ZFHX3: variants seen among roughly 807,000 people sequenced by gnomAD.
ZFHX3 encodes the protein zinc finger homeobox 3, also known as zinc finger homeobox protein 3.
In ZFHX3, 42 loss-of-function variants were observed where a neutral mutation model predicts 279.1. That is an observed-to-expected ratio of 0.15 (90% CI 0.12 to 0.19). ZFHX3 has a LOEUF of 0.19. Ranked by LOEUF, ZFHX3 falls within the 10% of genes least tolerant of loss-of-function variation. The pLI is 1.00. For missense variants in ZFHX3, 4,981 were observed against 4,754.0 expected, an observed-to-expected ratio of 1.05 and a Z score of -1.40; for synonymous variants, 2,293 against 1,957.8, an observed-to-expected ratio of 1.17 and a Z score of -4.52.
Position 72,795,208 on chromosome 16 carries a change from A to C in ZFHX3, c.7474T>G (p.Cys2492Gly). ...CTGGGGCTCGACTGGGGTAAGGGGCACTGTGGAGGGGGCGCTTGTGGAGGA... is the reference window on the plus strand; with the variant it reads ...CTGGGGCTCGACTGGGGTAAGGGGCCCTGTGGAGGGGGCGCTTGTGGAGGA... ...QPPPQAPPPQCPLPQSSPSPS... is the reference protein window; with the variant it reads ...QPPPQAPPPQGPLPQSSPSPS... The change falls in exon 9 of 10, where the codon TGC (cysteine) becomes GGC (glycine). Residue 2492 changes from cysteine to glycine, a missense_variant. By Grantham distance (159) the Cys-to-Gly change is radical. This residue lies in a region of ZFHX3 where 744 missense variants were observed against 701.3 expected (regional missense o/e 1.06). Coordinates refer to ENST00000268489, the MANE Select transcript of ZFHX3 (RefSeq NM_006885.4). 4 of 1,606,824 alleles carry C rather than the reference A, an allele frequency of 2.5e-6. No homozygotes were observed. In the South Asian group the frequency reaches 4.5e-5, roughly 18 times the overall value.
At chr16:73,126,608 A>G (rs895054031) in intron 7 of ZFHX3, 3 of 152,248 alleles carry the variant, frequency 2.0e-5, no homozygotes, top group African/African-American at 7.2e-5. Flanking sequence ...GCACATGTTA[A>G]TAAGTTGTAC....
intron 2 of ZFHX3, among the ~76,000 whole-genome samples, chr16:73,652,870 C>G (rs1386420515): frequency 6.6e-6 from 1 of 152,138 alleles, no homozygotes. Context: ...GCAAATTTAA[C>G]ACTGATTGCA....
At chr16:73,768,272 C>T (rs1295056169) in intron 1 of ZFHX3, among the ~76,000 whole-genome samples, 1 of 152,154 alleles carries the variant, frequency 6.6e-6, no homozygotes, top group Admixed American at 6.5e-5. Flanking sequence ...AGGAGACCCA[C>T]TAACATGGCC....
intron 3 of ZFHX3, among the ~76,000 whole-genome samples, chr16:72,906,948 T>C (rs759946708): frequency 1.3e-5 from 2 of 152,120 alleles, no homozygotes; most frequent in Admixed American, 6.5e-5. Context: ...TCAGGACACA[T>C]CACGCATGCT....
In ZFHX3 at chr16:72,798,187, A is replaced by T. The variant is rs1227581483; in HGVS notation, c.4495T>A (p.Leu1499Met). 1 of 1,614,122 alleles carries T rather than the reference A, an allele frequency of 6.2e-7. No individual in the cohort carries two copies. The highest frequency in any genetic ancestry group is 1.3e-5 in the African/African-American group (1 of 75,016). ...VEEDKEEESDLEDKQSPTGSD... is the reference protein window; with the variant it reads ...VEEDKEEESDMEDKQSPTGSD... ...CCCGTTGGGCTCTGTTTATCTTCCA[A>T]GTCACTCTCTTCCTCCTTGTCTTCC... The change falls in exon 9 of 10, where the codon TTG (leucine) becomes ATG (methionine). Residue 1499 changes from leucine to methionine, a missense_variant. Physicochemically the swap from Leu to Met is conservative, Grantham distance 15. Around this residue, in one of 7 missense-constraint regions of ZFHX3, gnomAD observed 1,751 missense variants for 1,770.0 expected, o/e 0.99. Transcript: ENST00000268489.
intron 3 of ZFHX3, among the ~76,000 whole-genome samples, chr16:73,441,420 C>T (rs1167228776): frequency 1.3e-5 from 2 of 152,092 alleles, no homozygotes; most frequent in African/African-American, 4.8e-5. Flanking sequence ...AACCAGATGC[C>T]AAGAGATGTG....
chr16:72,822,199 G>T (rs2036810304), intron 5 of ZFHX3, among the ~76,000 whole-genome samples: 1 of 152,196 alleles, frequency 6.6e-6, no homozygotes, highest in African/African-American at 2.4e-5. Context: ...AGGTGCTGGG[G>T]ATTACAAAAA....
chr16:73,626,016 C>G (rs1204006634), intron 2 of ZFHX3, among the ~76,000 whole-genome samples: 1 of 152,104 alleles, frequency 6.6e-6, no homozygotes, highest in African/African-American at 2.4e-5. Context: ...CACCACCACG[C>G]CTGGCTAATT....
chr16:73,149,190 AC>A (rs936401832), intron 5 of ZFHX3, among the ~76,000 whole-genome samples: 4 of 135,660 alleles, frequency 2.9e-5, no homozygotes, highest in Non-Finnish European at 6.2e-5. Flanking sequence ...AATATATTTT[AC>A]TTTATATTAT....
chr16:73,734,382 T>A (rs2053592678), intron 1 of ZFHX3, among the ~76,000 whole-genome samples: 1 of 152,240 alleles, frequency 6.6e-6, no homozygotes, highest in African/African-American at 2.4e-5. Context: ...TATGATTTTG[T>A]AGCATCTTAA....
At chr16:73,127,581 A>C (rs1460290387) in intron 7 of ZFHX3, 2 of 1,304,772 alleles carry the variant, frequency 1.5e-6, no homozygotes, top group Non-Finnish European at 1.0e-6. Flanking sequence ...ACTTGAGGAC[A>C]GCCACTGACC....
chr16:73,397,970 G>A (rs1367022452), intron 3 of ZFHX3, among the ~76,000 whole-genome samples: 1 of 152,130 alleles, frequency 6.6e-6, no homozygotes, highest in Non-Finnish European at 1.5e-5. Flanking sequence ...TCAGCCTCCT[G>A]AGTAGCTGGG....
intron 1 of ZFHX3, among the ~76,000 whole-genome samples, chr16:73,794,862 T>A (rs1311001500): frequency 2.0e-5 from 3 of 152,226 alleles, no homozygotes; most frequent in Non-Finnish European, 4.4e-5. Flanking sequence ...CATTTTGGAA[T>A]AATGTCATGG....
intron 1 of ZFHX3, among the ~76,000 whole-genome samples, chr16:72,962,965 C>T (rs970135520): frequency 6.6e-6 from 1 of 152,148 alleles, no homozygotes; most frequent in African/African-American, 2.4e-5. Context: ...CTACCACTCC[C>T]CCGCAACAGC....
rs371931738 is a variant in ZFHX3, at chr16:73,586,425, C to CAAAA, written c.-1547+93751_-1547+93754dup. Among the ~76,000 whole-genome samples, 5 of 120,116 alleles carry CAAAA rather than the reference C, an allele frequency of 4.2e-5. No individual in the cohort carries two copies. In the East Asian group the frequency reaches 1.4e-3, roughly 33 times the overall value. The allele number at this position is 120,116 out of a possible 152,430, so 78.8% of individuals were successfully genotyped here. ...ACAAACAAACAAACAAACAAACAAA[C>CAAAA]AAAAAAACATACAGAAAAGTTGGAG... On this transcript the variant is annotated intron_variant, in intron 2 of 17. Coordinates refer to the ZFHX3 transcript ENST00000641206.
intron 1 of ZFHX3, among the ~76,000 whole-genome samples, chr16:72,984,126 T>C (rs530814026): frequency 6.6e-6 from 1 of 152,308 alleles, no homozygotes; most frequent in African/African-American, 2.4e-5. Context: ...GAATAACCTG[T>C]CTGCTGGCTT....
chr16:73,865,712 G>A (rs1961998787), intron 1 of ZFHX3, among the ~76,000 whole-genome samples: 1 of 152,012 alleles, frequency 6.6e-6, no homozygotes, highest in Admixed American at 6.5e-5. Flanking sequence ...AGGCACAGTG[G>A]CTCACACCTG....
intron 3 of ZFHX3, among the ~76,000 whole-genome samples, chr16:72,944,770 G>A (rs1205354592): frequency 1.3e-5 from 2 of 151,690 alleles, no homozygotes; most frequent in Non-Finnish European, 2.9e-5. Flanking sequence ...AACCTTTTAA[G>A]AAATAATTAA....
chr16:73,428,236 G>C (rs1009721946), intron 3 of ZFHX3, among the ~76,000 whole-genome samples: 1 of 152,064 alleles, frequency 6.6e-6, no homozygotes, highest in Non-Finnish European at 1.5e-5. Context: ...CCCCAGGGTC[G>C]GGGGCACACA....
Sources: gnomAD v4.1 joint callset for allele counts (sites outside exome capture counted in the v4.1 genomes callset) on GRCh38, gnomAD v4.1.1 for gene constraint, gnomAD v4.1.1 regional missense constraint, MANE v1.5 for transcripts, NCBI Gene and HGNC (gene_info 2026-07-23, HGNC 2026-07-21) for gene names.